Variants in NBEA observed in about 807,000 individuals in gnomAD.
NBEA encodes the protein lysosomal-trafficking regulator 2.
Under a neutral mutation model 343.4 loss-of-function variants are expected in NBEA, and 44 were observed. The observed-to-expected ratio is 0.13, with a 90% confidence interval of 0.10 to 0.16. The LOEUF (loss-of-function observed/expected upper bound fraction) is 0.16, where lower values mean the gene tolerates loss of function less well. Among genes scored for constraint, NBEA ranks in the 10% least tolerant of loss-of-function variants. The pLI is 1.00. For synonymous variants in NBEA, 1,175 were observed against 1,238.7 expected, an observed-to-expected ratio of 0.95 and a Z score of 1.08; for missense variants, 2,555 against 3,631.3, an observed-to-expected ratio of 0.70 and a Z score of 7.62.
intron 1 of NBEA, among the ~76,000 whole-genome samples, chr13:35,003,861 T>G (rs1566149297): frequency 6.6e-6 from 1 of 152,158 alleles, no homozygotes; most frequent in Non-Finnish European, 1.5e-5. Flanking sequence ...CATGGTGGTT[T>G]GCTGCATGTA....
chr13:35,100,906 CT>C (rs528581550), intron 11 of NBEA, among the ~76,000 whole-genome samples: 100 of 152,002 alleles, frequency 6.6e-4, no homozygotes, highest in Middle Eastern at 6.8e-3. Context: ...CACTTTTTGG[CT>C]TTATGAATTG....
intron 11 of NBEA, among the ~76,000 whole-genome samples, chr13:35,100,100 A>C (rs1365179934): frequency 2.6e-5 from 4 of 152,244 alleles, no homozygotes; most frequent in Admixed American, 6.5e-5. Flanking sequence ...TTTACCTCCA[A>C]TTGTTTTACA....
intron 41 of NBEA, among the ~76,000 whole-genome samples, chr13:35,535,383 T>C (rs907961690): frequency 1.3e-5 from 2 of 152,130 alleles, no homozygotes; most frequent in Non-Finnish European, 2.9e-5. Flanking sequence ...GTTTAGTAAG[T>C]GGTAAATAAG....
intron 21 of NBEA, 94 bp from the exon 22 acceptor site, chr13:35,158,922 A>T (rs1013220167): frequency 6.9e-6 from 8 of 1,159,708 alleles, no homozygotes; most frequent in Non-Finnish European, 8.2e-6. Context: ...TTCTGGCATT[A>T]TTTTTTCTAT....
chr13:35,567,434 C>T (rs1464561585), intron 45 of NBEA, among the ~76,000 whole-genome samples: 5 of 151,988 alleles, frequency 3.3e-5, no homozygotes, highest in Non-Finnish European at 7.4e-5. Flanking sequence ...TTAATTTTAC[C>T]AAGTGTCTGT....
At chr13:35,284,017 A>ACACACACACACACAC (rs1566565257) in intron 34 of NBEA, among the ~76,000 whole-genome samples, 1 of 142,094 alleles carries the variant, frequency 7.0e-6, no homozygotes, top group East Asian at 2.0e-4. Flanking sequence ...CACACACACC[A>ACACACACACACACAC]CACAGATGCA....
intron 38 of NBEA, among the ~76,000 whole-genome samples, chr13:35,373,475 G>A (rs1426515998): frequency 6.6e-6 from 1 of 152,044 alleles, no homozygotes; most frequent in Admixed American, 6.6e-5. Context: ...GGAGATCGAG[G>A]CAGGCAATTG....
intron 33 of NBEA, among the ~76,000 whole-genome samples, chr13:35,230,642 A>G (rs2074916276): frequency 1.3e-5 from 2 of 152,124 alleles, no homozygotes; most frequent in Non-Finnish European, 2.9e-5. Context: ...TGAAGGAATT[A>G]ATGAAATTGT....
At chr13:35,405,553 G>T (rs1344948299) in intron 38 of NBEA, among the ~76,000 whole-genome samples, 1 of 152,106 alleles carries the variant, frequency 6.6e-6, no homozygotes. Context: ...TACCAGGCTT[G>T]TAAATGTGAC....
chr13:35,025,661 AGAGTGAT>A (rs2061995192), intron 1 of NBEA, among the ~76,000 whole-genome samples: 2 of 151,980 alleles, frequency 1.3e-5, no homozygotes, highest in African/African-American at 4.8e-5. Flanking sequence ...CTCTAGTGGG[AGAGTGAT>A]GAATTGAATA....
chr13:35,648,982 A>G (rs2084381727), intron 51 of NBEA, among the ~76,000 whole-genome samples: 1 of 152,116 alleles, frequency 6.6e-6, no homozygotes, highest in African/African-American at 2.4e-5. Context: ...CCTATGTAAC[A>G]ACCTGCGTGT....
At chr13:35,099,247 G>A (rs1222298951) in intron 11 of NBEA, among the ~76,000 whole-genome samples, 2 of 132,344 alleles carry the variant, frequency 1.5e-5, no homozygotes, top group Middle Eastern at 6.3e-3. Context: ...CACCCAGGCT[G>A]GAGTGCACTG....
At chr13:35,449,147 C>T (rs534342635) in intron 39 of NBEA, among the ~76,000 whole-genome samples, 23 of 152,164 alleles carry the variant, frequency 1.5e-4, no homozygotes, top group Admixed American at 3.3e-4. Flanking sequence ...GATAAAAGGC[C>T]TTGGTAAGCC....
At chr13:35,187,300 G>T (rs564687760) in intron 30 of NBEA, among the ~76,000 whole-genome samples, 7 of 151,694 alleles carry the variant, frequency 4.6e-5, no homozygotes, top group Admixed American at 2.6e-4. Flanking sequence ...TTTAAATTTT[G>T]ATGTAATCCC....
intron 39 of NBEA, among the ~76,000 whole-genome samples, chr13:35,436,129 A>G (rs1257743700): frequency 6.6e-6 from 1 of 152,144 alleles, no homozygotes; most frequent in African/African-American, 2.4e-5. Context: ...GATTTTGTAT[A>G]TACAAATTGC....
chr13:35,482,159 G>A (rs1050236290), intron 41 of NBEA, among the ~76,000 whole-genome samples: 5 of 151,180 alleles, frequency 3.3e-5, no homozygotes, highest in African/African-American at 1.2e-4. Flanking sequence ...TCTAAAGTAA[G>A]ATTTATTTTT....
chr13:35,226,969 CT>C (rs901689186), intron 33 of NBEA, among the ~76,000 whole-genome samples: 8 of 152,030 alleles, frequency 5.3e-5, no homozygotes, highest in African/African-American at 1.9e-4. Flanking sequence ...AAGCAGTAAA[CT>C]TTTTACTTAT....
Position 35,628,262 on chromosome 13 carries a change from C to G in NBEA, c.7617+14C>G. The G allele has an allele frequency of 1.3e-6, 2 of 1,539,432 alleles. No homozygotes were observed. The highest frequency in any genetic ancestry group is 1.8e-6 in the Non-Finnish European group (2 of 1,142,236). Reference sequence around the variant, plus strand: ...GTGCTCAGGGAGGTAGGTGTTAAATCCCATATTATTCCAAAAATTTCTGTC... The same window carrying G: ...GTGCTCAGGGAGGTAGGTGTTAAATGCCATATTATTCCAAAAATTTCTGTC... On this transcript the variant is annotated intron_variant, in intron 49 of 58. Coordinates refer to ENST00000379939, the MANE Select transcript of NBEA (RefSeq NM_001385012.1).
chr13:35,400,196 TAAAAAAAAAA>T (rs71081251), intron 38 of NBEA, among the ~76,000 whole-genome samples: 17 of 78,224 alleles, frequency 2.2e-4, no homozygotes, highest in South Asian at 1.8e-3. Flanking sequence ...CTTCAATTTG[TAAAAAAAAAA>T]AAAAAAAAAA....
Sources: gnomAD v4.1 joint callset for allele counts (sites outside exome capture counted in the v4.1 genomes callset) on GRCh38, gnomAD v4.1.1 for gene constraint, MANE v1.5 for transcripts, NCBI Gene and HGNC (gene_info 2026-07-23, HGNC 2026-07-21) for gene names.